RFX3: variants seen among roughly 807,000 people sequenced by gnomAD.
RFX3 encodes transcription factor RFX3.
RFX3 carries 14 observed loss-of-function variants against 98.6 expected under a neutral mutation model. That is an observed-to-expected ratio of 0.14 (90% CI 0.09 to 0.22). The LOEUF (loss-of-function observed/expected upper bound fraction) is 0.22, where lower values mean the gene tolerates loss of function less well. Ranked by LOEUF, RFX3 falls within the 10% of genes least tolerant of loss-of-function variation. The probability of loss-of-function intolerance (pLI) is 1.00; values close to 1 mark genes in which losing one functional copy is unlikely to be tolerated. For synonymous variants in RFX3, 383 were observed against 328.4 expected, an observed-to-expected ratio of 1.17 and a Z score of -1.80; for missense variants, 639 against 926.9, an observed-to-expected ratio of 0.69 and a Z score of 4.03.
At chr9:3,331,355 T>C (rs1209919649) in intron 3 of RFX3, among the ~76,000 whole-genome samples, 1 of 152,222 alleles carries the variant, frequency 6.6e-6, no homozygotes, top group East Asian at 1.9e-4. Context: ...CATCTATTTT[T>C]ATTTTCAATT....
intron 2 of RFX3, among the ~76,000 whole-genome samples, chr9:3,386,258 C>CA (rs1439159692): frequency 6.6e-6 from 1 of 151,876 alleles, no homozygotes; most frequent in African/African-American, 2.4e-5. Flanking sequence ...TTAAAAACTC[C>CA]AAATTTTTTT....
At chr9:3,267,215 G>C (rs1489252704) in intron 11 of RFX3, among the ~76,000 whole-genome samples, 1 of 151,902 alleles carries the variant, frequency 6.6e-6, no homozygotes, top group Non-Finnish European at 1.5e-5. Context: ...GTAATGTAGA[G>C]GAAAATTAGA....
chr9:3,344,439 A>G (rs1343118224), intron 3 of RFX3, among the ~76,000 whole-genome samples: 1 of 152,172 alleles, frequency 6.6e-6, no homozygotes, highest in African/African-American at 2.4e-5. Flanking sequence ...TGGTGCTCAA[A>G]AAGTTTCAGA....
chr9:3,234,659 CAAAA>C (rs1818899190), intron 15 of RFX3, among the ~76,000 whole-genome samples: 1 of 151,784 alleles, frequency 6.6e-6, no homozygotes, highest in Admixed American at 6.6e-5. Context: ...AACAAACAAA[CAAAA>C]AAACCCAAAA....
chr9:3,400,356 T>A, intron 1 of RFX3: 1 of 248,664 alleles, frequency 4.0e-6, no homozygotes, highest in Non-Finnish European at 6.4e-6. Flanking sequence ...AGCTAGAGAG[T>A]CACGGAGAAC....
At chr9:3,269,000 G>C (rs761995862) in intron 11 of RFX3, among the ~76,000 whole-genome samples, 2 of 151,850 alleles carry the variant, frequency 1.3e-5, no homozygotes, top group Non-Finnish European at 2.9e-5. Context: ...AGAGCACAGG[G>C]AGCAAGAGAA....
At chr9:3,510,736 G>A (rs1474744868) in intron 1 of RFX3, among the ~76,000 whole-genome samples, 1 of 151,906 alleles carries the variant, frequency 6.6e-6, no homozygotes, top group African/African-American at 2.4e-5. Flanking sequence ...AAAATAACAT[G>A]TACATTCTAT....
chr9:3,239,709 G>C (rs1227478414), intron 15 of RFX3, among the ~76,000 whole-genome samples: 1 of 152,148 alleles, frequency 6.6e-6, no homozygotes, highest in African/African-American at 2.4e-5. Context: ...CAAAGCAAGA[G>C]GGGCCTTTGG....
intron 1 of RFX3, among the ~76,000 whole-genome samples, chr9:3,495,235 A>G (rs1398052493): frequency 6.6e-6 from 1 of 152,026 alleles, no homozygotes; most frequent in Non-Finnish European, 1.5e-5. Flanking sequence ...AATTCTATGT[A>G]GCAAGAAAAT....
Position 3,228,850 on chromosome 9 carries a change from T to G in RFX3, c.2008A>C (p.Lys670Gln), listed in dbSNP as rs751064531. Residue 670 changes from lysine (K) to glutamine (Q), a missense_variant, in exon 16 of 17, where the codon AAA (lysine) becomes CAA (glutamine). Lys to Gln is a moderately conservative substitution (Grantham distance 53, BLOSUM62 1). Transcript: ENST00000617270. The part of the protein sequence containing the change: ...LNAVSPGNLD[K>Q]DEGSEVESEM... ...GTACATTATTTTCGATTCTTACCTT[T>G]ATCCAGATTTCCAGGAGACACGGCA... The G allele has an allele frequency of 1.2e-6, 2 of 1,609,464 alleles. No individual in the cohort carries two copies. Among genetic ancestry groups the G allele is most frequent in the Non-Finnish European group, 1.7e-6 (2 of 1,178,464 alleles).
At chr9:3,512,437 A>G (rs1328118201) in intron 1 of RFX3, among the ~76,000 whole-genome samples, 2 of 151,996 alleles carry the variant, frequency 1.3e-5, no homozygotes, top group African/African-American at 2.4e-5. Context: ...GTTTTTTACT[A>G]TATACTGACT....
intron 7 of RFX3, among the ~76,000 whole-genome samples, chr9:3,284,963 C>T (rs184884489): frequency 4.0e-5 from 6 of 151,746 alleles, no homozygotes. Context: ...CCTCTACCAC[C>T]CCATCAAACC....
At chr9:3,427,354 T>C (rs150387288) in intron 1 of RFX3, among the ~76,000 whole-genome samples, 11 of 139,878 alleles carry the variant, frequency 7.9e-5, no homozygotes, top group African/African-American at 3.0e-4. Flanking sequence ...TACATAATAC[T>C]ATATATAAAT....
intron 1 of RFX3, among the ~76,000 whole-genome samples, chr9:3,420,249 C>T (rs528550543): frequency 2.6e-5 from 4 of 152,164 alleles, no homozygotes; most frequent in Non-Finnish European, 5.9e-5. Flanking sequence ...CAGGAAAGCA[C>T]TCATACACAG....
At chr9:3,341,139 C>T (rs903116452) in intron 3 of RFX3, among the ~76,000 whole-genome samples, 2 of 151,916 alleles carry the variant, frequency 1.3e-5, no homozygotes, top group Non-Finnish European at 2.9e-5. Context: ...TCATTCTCAG[C>T]AAACTATCGC....
intron 1 of RFX3, among the ~76,000 whole-genome samples, chr9:3,397,721 G>C (rs538034997): frequency 3.6e-4 from 55 of 152,214 alleles, no homozygotes; most frequent in African/African-American, 1.2e-3. Flanking sequence ...TCTTTTGTTA[G>C]TGAAACCCCT....
chr9:3,254,631 A>G (rs686132), intron 14 of RFX3, among the ~76,000 whole-genome samples: 149,584 of 151,908 alleles, frequency 0.98, 73,687 homozygotes, highest in Middle Eastern at 1. Flanking sequence ...TCCACCTCCC[A>G]GGTTCACACC....
intron 2 of RFX3, among the ~76,000 whole-genome samples, chr9:3,382,716 CT>C (rs1308594268): frequency 6.6e-6 from 1 of 152,042 alleles, no homozygotes; most frequent in Non-Finnish European, 1.5e-5. Context: ...TAATTAACAT[CT>C]GTTTTATGTG....
At position 3,455,096 on chromosome 9, in the gene RFX3, T is replaced by C. The variant is rs79187223; in HGVS notation, c.-8-59500A>G. ...CCTCTCTAGTCAATTCCCCACACCG[T>C]AGCCAGAAATATCTTCCAAATTTAA... On this transcript the variant is annotated intron_variant, in intron 1 of 16. Transcript: ENST00000617270. Among the ~76,000 whole-genome samples, 1,071 of 152,312 alleles carry C rather than the reference T, an allele frequency of 7.0e-3. 17 individuals carry two copies. Among genetic ancestry groups the C allele is most frequent in the African/African-American group, 0.024 (1,000 of 41,572 alleles).
Sources: gnomAD v4.1 joint callset for allele counts (sites outside exome capture counted in the v4.1 genomes callset) on GRCh38, gnomAD v4.1.1 for gene constraint, MANE v1.5 for transcripts, NCBI Gene and HGNC (gene_info 2026-07-23, HGNC 2026-07-21) for gene names.